The following MARCHF2 variants were observed in gnomAD, a reference collection of about 807,000 sequenced individuals.
MARCHF2 encodes the protein membrane associated ring-CH-type finger 2.
A neutral mutation model predicts 24.0 loss-of-function variants in MARCHF2; 22 were observed. That is an observed-to-expected ratio of 0.92 (90% CI 0.66 to 1.31). MARCHF2 has a LOEUF of 1.31. MARCHF2 is among the 50% of genes most tolerant of loss of function. The pLI is 0.00. For synonymous variants in MARCHF2, 154 were observed against 153.0 expected (o/e 1.01, Z -0.05); for missense variants, 301 against 335.3 (o/e 0.90, Z 0.80).
chr19:8,435,826 G>A (rs1967701728), intron 4 of MARCHF2, among the ~76,000 whole-genome samples: 1 of 120,168 alleles, frequency 8.3e-6, no homozygotes, highest in Admixed American at 9.8e-5. Context: ...ACTGCACCTG[G>A]CCTGTGTGTG....
At chr19:8,428,649 C>CAAAAAAAAAAAAAA (rs59542078) in intron 3 of MARCHF2, among the ~76,000 whole-genome samples, 6 of 30,646 alleles carry the variant, frequency 2.0e-4, no homozygotes, top group African/African-American at 2.6e-4. Context: ...GACTCTATCT[C>CAAAAAAAAAAAAAA]AAAAAAAAAA....
In MARCHF2 at chr19:8,420,675, G is replaced by A. The variant is rs551081479; in HGVS notation, c.-52-1114G>A. Reference sequence around the variant, plus strand: ...CTTGTCTTCTCTTTTTTAGAGACAGGTTCTCACTCTGTGGCATAGGCAGGA... The same window carrying A: ...CTTGTCTTCTCTTTTTTAGAGACAGATTCTCACTCTGTGGCATAGGCAGGA... On this transcript the variant is annotated intron_variant, in intron 1 of 4. Transcript: ENST00000215555. Among the ~76,000 whole-genome samples, 122 of 152,142 alleles carry A rather than the reference G, an allele frequency of 8.0e-4. 2 individuals carry two copies. In the South Asian group the frequency reaches 0.025, roughly 31 times the overall value.
chr19:8,430,650 C>A lies in MARCHF2; in HGVS notation c.373-8C>A, dbSNP rs900867360. On this transcript the variant is annotated splice_polypyrimidine_tract_variant and splice_region_variant and intron_variant, in intron 3 of 4. Transcript: ENST00000215555. The surrounding 1 kb of genome is among the most constrained non-coding windows in gnomAD (Gnocchi z 4.4). ...CCTCTCCTCTGCCCCCTATCCTCTC[C>A]CCTGCAGTGGCTGAAGGACCCGGGG... The A allele has an allele frequency of 6.2e-7, 1 of 1,605,374 alleles. No homozygotes were observed. The highest frequency in any genetic ancestry group is 8.5e-7 in the Non-Finnish European group (1 of 1,179,016).
chr19:8,435,842 G>GTGTA (rs1427328288), intron 4 of MARCHF2, among the ~76,000 whole-genome samples: 137 of 150,970 alleles, frequency 9.1e-4, no homozygotes, highest in Non-Finnish European at 1.6e-3. Flanking sequence ...GTGTGTGTGT[G>GTGTA]TGTGTGTGTG....
At chr19:8,425,203 G>A (rs1426642322) in intron 2 of MARCHF2, among the ~76,000 whole-genome samples, 10 of 151,598 alleles carry the variant, frequency 6.6e-5, no homozygotes, top group African/African-American at 1.5e-4. Flanking sequence ...GTGAAACCCC[G>A]TCTCTACTAA....
intron 1 of MARCHF2, among the ~76,000 whole-genome samples, chr19:8,417,593 A>T (rs1158102296): frequency 6.6e-6 from 1 of 151,982 alleles, no homozygotes; most frequent in African/African-American, 2.4e-5. Flanking sequence ...GCCCGCCACC[A>T]TGCCCAAGTA....
intron 1 of MARCHF2, among the ~76,000 whole-genome samples, chr19:8,416,461 A>G (rs754391313): frequency 2.6e-5 from 4 of 152,118 alleles, no homozygotes; most frequent in Non-Finnish European, 5.9e-5. Flanking sequence ...TCTTTTTTAC[A>G]GAATTCACTG....
chr19:8,415,754 AACC>A (rs1967071260), intron 1 of MARCHF2, among the ~76,000 whole-genome samples: 2 of 133,526 alleles, frequency 1.5e-5, no homozygotes, highest in Non-Finnish European at 3.5e-5. Context: ...CAAAAAAAAA[AACC>A]AGACAAAAGA....
intron 4 of MARCHF2, among the ~76,000 whole-genome samples, chr19:8,436,588 T>C (rs906191188): frequency 6.6e-5 from 10 of 152,078 alleles, no homozygotes; most frequent in African/African-American, 2.4e-4. Context: ...TGTCCTATAG[T>C]TGGAGTCATT....
intron 2 of MARCHF2, among the ~76,000 whole-genome samples, chr19:8,424,684 AT>A (rs1239353700): frequency 1.3e-5 from 2 of 151,650 alleles, no homozygotes; most frequent in African/African-American, 4.8e-5. Context: ...AAAAAAAAAA[AT>A]CTACCTTTCC....
intron 2 of MARCHF2, 40 bp downstream of exon 2, chr19:8,422,056 T>C: frequency 3.2e-6 from 5 of 1,564,674 alleles, no homozygotes; most frequent in Non-Finnish European, 4.3e-6. Flanking sequence ...CTTTGTTGCC[T>C]CTTCTCTCTG....
In MARCHF2 at chr19:8,421,939, G is replaced by A. The variant is rs141980110; in HGVS notation, c.99G>A (p.Pro33=). The change falls in exon 2 of 5, where the codon CCG becomes CCA. Residue 33 remains proline, a synonymous_variant. Coordinates refer to ENST00000215555, the MANE Select transcript of MARCHF2 (RefSeq NM_001005415.2). The part of the protein sequence containing the change: ...SKVVEATGLG[P]PQYVAQVTSR... ...TCGTGGAGGCTACGGGCCTCGGACCGCCCCAGTATGTGGCACAGGTGACTT... is the reference window on the plus strand; with the variant it reads ...TCGTGGAGGCTACGGGCCTCGGACCACCCCAGTATGTGGCACAGGTGACTT... The A allele has an allele frequency of 1.0e-4, 166 of 1,613,720 alleles. No individual in the cohort carries two copies. The African/African-American group carries it at 1.8e-3, about 17-fold the overall frequency.
chr19:8,425,611 C>G (rs1967376765), intron 2 of MARCHF2, among the ~76,000 whole-genome samples: 1 of 149,188 alleles, frequency 6.7e-6, no homozygotes, highest in South Asian at 2.1e-4. Context: ...CTGCCCTAGT[C>G]CTTGAGGATT....
At chr19:8,437,671 TTTTTTTTTTTTAAAC>T (rs1967766149) in intron 4 of MARCHF2, among the ~76,000 whole-genome samples, 1 of 145,262 alleles carries the variant, frequency 6.9e-6, no homozygotes, top group African/African-American at 2.5e-5. Context: ...ATTGAGTGAC[TTTTTTTTTTTTAAAC>T]TTTTTTTTTT....
intron 4 of MARCHF2, among the ~76,000 whole-genome samples, chr19:8,435,261 G>T (rs1224907735): frequency 3.3e-5 from 5 of 151,860 alleles, no homozygotes; most frequent in Non-Finnish European, 5.9e-5. Context: ...CTCGTGATCC[G>T]CCCGTGTCTG....
Position 8,430,593 on chromosome 19 carries a change from A to G in MARCHF2, c.373-65A>G, listed in dbSNP as rs923885684. The G allele has an allele frequency of 1.5e-6, 2 of 1,353,690 alleles. No homozygotes were observed. The highest frequency in any genetic ancestry group is 1.0e-6 in the Non-Finnish European group (1 of 961,392). The allele number at this position is 1,353,690 out of a possible 1,614,324, so 83.9% of individuals were successfully genotyped here. ...GGGAGGCCTAGGCCTGGAGGTCCTTACCCCTCCCCCTCAGTAGCCCCTTCT... is the reference window on the plus strand; with the variant it reads ...GGGAGGCCTAGGCCTGGAGGTCCTTGCCCCTCCCCCTCAGTAGCCCCTTCT... On this transcript the variant is annotated intron_variant, in intron 3 of 4. Coordinates refer to ENST00000215555, the MANE Select transcript of MARCHF2 (RefSeq NM_001005415.2). This position sits in a 1 kb window ranked among gnomAD's most constrained non-coding sequence, Gnocchi z 4.4.
Position 8,430,467 on chromosome 19 carries a change from C to T in MARCHF2, c.373-191C>T, listed in dbSNP as rs1337439203. On this transcript the variant is annotated intron_variant, in intron 3 of 4. Coordinates refer to ENST00000215555, the MANE Select transcript of MARCHF2 (RefSeq NM_001005415.2). This position sits in a 1 kb window ranked among gnomAD's most constrained non-coding sequence, Gnocchi z 4.4. ...GGAGAATTGCTTAAACCCAGAAGGT[C>T]GAGGTTGCAGTGAGCCGAGATCACA... Among the ~76,000 whole-genome samples, 1 of 148,174 alleles carries T rather than the reference C, an allele frequency of 6.7e-6. No individual in the cohort carries two copies. The highest frequency in any genetic ancestry group is 6.7e-5 in the Admixed American group (1 of 14,830).
At chr19:8,420,843 C>T (rs1003602993) in intron 1 of MARCHF2, among the ~76,000 whole-genome samples, 1 of 151,948 alleles carries the variant, frequency 6.6e-6, no homozygotes, top group African/African-American at 2.4e-5. Flanking sequence ...TTAGTAGAGC[C>T]AGGGTTTCAC....
At chr19:8,427,725 G>A (rs948176074) in intron 3 of MARCHF2, 1 of 151,632 alleles carries the variant, frequency 6.6e-6, no homozygotes, top group African/African-American at 2.4e-5. Context: ...ACTTCGGGAG[G>A]CCGAGGCGGG....
Sources: gnomAD v4.1 joint callset for allele counts (sites outside exome capture counted in the v4.1 genomes callset) on GRCh38, gnomAD v4.1.1 for gene constraint, Gnocchi (gnomAD v3.1) non-coding constraint, MANE v1.5 for transcripts, NCBI Gene and HGNC (gene_info 2026-07-23, HGNC 2026-07-21) for gene names.